The following PARP8 variants were observed in gnomAD, a reference collection of about 807,000 sequenced individuals.
PARP8 encodes protein mono-ADP-ribosyltransferase PARP8.
In PARP8, 51 loss-of-function variants were observed where a neutral mutation model predicts 124.1. That is an observed-to-expected ratio of 0.41 (90% CI 0.33 to 0.52). The LOEUF (loss-of-function observed/expected upper bound fraction) is 0.52, where lower values mean the gene tolerates loss of function less well. Among genes scored for constraint, PARP8 ranks in the 20% least tolerant of loss-of-function variants. The probability of loss-of-function intolerance (pLI) is 0.21; values close to 1 mark genes in which losing one functional copy is unlikely to be tolerated. For missense variants in PARP8, 860 were observed against 1,018.9 expected (o/e 0.84, Z 2.12); for synonymous variants, 391 against 361.5 (o/e 1.08, Z -0.93).
intron 3 of PARP8, among the ~76,000 whole-genome samples, chr5:50,756,505 A>G (rs1312455792): frequency 6.6e-6 from 1 of 152,194 alleles, no homozygotes; most frequent in Non-Finnish European, 1.5e-5. Context: ...GAATGGATTC[A>G]TACAGATGGG....
intron 9 of PARP8, among the ~76,000 whole-genome samples, chr5:50,781,858 A>T (rs551403007): frequency 6.6e-6 from 1 of 152,116 alleles, no homozygotes; most frequent in African/African-American, 2.4e-5. Flanking sequence ...GGAAACTAGA[A>T]CTTTCCCTGG....
At chr5:50,704,051 ATTTG>A (rs1443478207) in intron 2 of PARP8, among the ~76,000 whole-genome samples, 1 of 152,080 alleles carries the variant, frequency 6.6e-6, no homozygotes, top group Non-Finnish European at 1.5e-5. Context: ...TGTATTTAAC[ATTTG>A]TTTAACTTGT....
intron 7 of PARP8, among the ~76,000 whole-genome samples, 183 bp downstream of exon 7, chr5:50,763,425 T>C (rs763897795): frequency 7.2e-5 from 11 of 152,216 alleles, no homozygotes; most frequent in Non-Finnish European, 1.6e-4. Context: ...ATACATGTGG[T>C]TTAAGATTAC....
intron 2 of PARP8, among the ~76,000 whole-genome samples, chr5:50,739,958 C>T (rs1383223778): frequency 3.3e-5 from 5 of 151,696 alleles, no homozygotes; most frequent in Admixed American, 2.6e-4. Flanking sequence ...ACCATCTTGG[C>T]CAGGCTGGTC....
At chr5:50,738,715 T>TA (rs71612375) in intron 2 of PARP8, among the ~76,000 whole-genome samples, 20,214 of 135,386 alleles carry the variant, frequency 0.15, 1,564 homozygotes, top group East Asian at 0.23. Flanking sequence ...GCTGATAAGT[T>TA]AAAAAAAAAA....
chr5:50,821,731 C>A lies in PARP8; in HGVS notation c.1794+393C>A, dbSNP rs755471968. On this transcript the variant is annotated intron_variant, in intron 16 of 25. Transcript: ENST00000281631. Reference sequence around the variant, plus strand: ...AATCCTTTTGAAATTACAAAACTTTCAAATTGCATAAGAGCTGAAGTTGCC... The same window carrying A: ...AATCCTTTTGAAATTACAAAACTTTAAAATTGCATAAGAGCTGAAGTTGCC... Among the ~76,000 whole-genome samples the A allele has an allele frequency of 6.8e-4, 104 of 152,276 alleles. No homozygotes were observed. In the Middle Eastern group the frequency reaches 0.01, roughly 15 times the overall value.
intron 7 of PARP8, among the ~76,000 whole-genome samples, chr5:50,767,517 C>T (rs5020195): frequency 6.6e-6 from 1 of 152,184 alleles, no homozygotes; most frequent in Admixed American, 6.5e-5. Context: ...CCACTACTCC[C>T]AACGCAAGGG....
At chr5:50,667,258 C>T (rs1749395700) in intron 1 of PARP8, 72 bp downstream of exon 1, 5 of 1,445,330 alleles carry the variant, frequency 3.5e-6, no homozygotes, top group Non-Finnish European at 4.8e-6. Flanking sequence ...ACGTCTGTGG[C>T]TGGGGGTGGG....
At chr5:50,796,870 CATGTG>C in intron 12 of PARP8, 107 bp from the exon 13 acceptor site, 1 of 891,038 alleles carries the variant, frequency 1.1e-6, no homozygotes, top group African/African-American at 1.7e-5. Flanking sequence ...ATTCATATTT[CATGTG>C]ATCTTAAATC....
intron 2 of PARP8, among the ~76,000 whole-genome samples, chr5:50,705,888 T>C (rs1042200559): frequency 1.3e-5 from 2 of 152,204 alleles, no homozygotes; most frequent in African/African-American, 4.8e-5. Flanking sequence ...TTGATACTTT[T>C]ATGTATCCAT....
At chr5:50,688,817 C>G (rs1490768780) in intron 2 of PARP8, among the ~76,000 whole-genome samples, 3 of 151,912 alleles carry the variant, frequency 2.0e-5, no homozygotes, top group Non-Finnish European at 2.9e-5. Flanking sequence ...CATTTTGTAC[C>G]TTTTATTATA....
intron 10 of PARP8, 144 bp from the exon 11 acceptor site, chr5:50,794,063 T>G: frequency 1.2e-6 from 1 of 841,692 alleles, no homozygotes; most frequent in Non-Finnish European, 1.7e-6. Flanking sequence ...ATATGAAAAA[T>G]CTTGTATGAT....
chr5:50,761,621 T>G (rs1349749466), intron 5 of PARP8, among the ~76,000 whole-genome samples, 200 bp from the exon 6 acceptor site: 5 of 152,092 alleles, frequency 3.3e-5, no homozygotes. Flanking sequence ...AGAGAACTTT[T>G]AAAACAGGTG....
chr5:50,754,916 G>T (rs1026566371), intron 3 of PARP8, among the ~76,000 whole-genome samples: 19 of 152,134 alleles, frequency 1.2e-4, no homozygotes, highest in African/African-American at 4.3e-4. Context: ...GTTTTGATTT[G>T]CATTTCTCTG....
At chr5:50,763,284 T>TA in intron 7 of PARP8, 42 bp downstream of exon 7, 1 of 1,444,608 alleles carries the variant, frequency 6.9e-7, no homozygotes, top group South Asian at 1.2e-5. Context: ...AGTTTTATGG[T>TA]AAGTCATTGA....
At chr5:50,740,330 A>C (rs926956612) in intron 2 of PARP8, among the ~76,000 whole-genome samples, 16 of 152,172 alleles carry the variant, frequency 1.1e-4, no homozygotes, top group Non-Finnish European at 1.0e-4. Flanking sequence ...GATGAGACTG[A>C]GTTAACCAGG....
intron 22 of PARP8, among the ~76,000 whole-genome samples, chr5:50,830,580 T>G (rs1461514449): frequency 2.0e-5 from 3 of 152,176 alleles, no homozygotes; most frequent in African/African-American, 7.2e-5. Context: ...CTTAAAAAAT[T>G]TTTGGAATAT....
intron 2 of PARP8, among the ~76,000 whole-genome samples, chr5:50,711,928 A>C (rs755046287): frequency 6.6e-6 from 1 of 152,114 alleles, no homozygotes; most frequent in African/African-American, 2.4e-5. Flanking sequence ...CTATTTATCT[A>C]GCATTACTGT....
At chr5:50,829,729 A>C (rs573784107) in intron 21 of PARP8, among the ~76,000 whole-genome samples, 163 bp from the exon 22 acceptor site, 92 of 152,346 alleles carry the variant, frequency 6.0e-4, no homozygotes, top group African/African-American at 2.2e-3. Context: ...CATTTTTCTA[A>C]GCACAAGGAT....
Sources: gnomAD v4.1 joint callset for allele counts (sites outside exome capture counted in the v4.1 genomes callset) on GRCh38, gnomAD v4.1.1 for gene constraint, MANE v1.5 for transcripts, NCBI Gene and HGNC (gene_info 2026-07-23, HGNC 2026-07-21) for gene names.